PPP4R1: variants seen among roughly 807,000 people sequenced by gnomAD.
PPP4R1 encodes the protein protein phosphatase 4 regulatory subunit 1, also known as serine/threonine-protein phosphatase 4 regulatory subunit 1.
In PPP4R1, 42 loss-of-function variants were observed where a neutral mutation model predicts 111.2. The ratio of observed to expected loss-of-function variants is 0.38; its 90% CI spans 0.29 to 0.49. The LOEUF (loss-of-function observed/expected upper bound fraction) is 0.49. Ranked by LOEUF, PPP4R1 falls within the 20% of genes least tolerant of loss-of-function variation. The pLI is 0.97. For missense variants in PPP4R1, 1,012 were observed against 1,161.6 expected (o/e 0.87, Z 1.87); for synonymous variants, 409 against 405.5 (o/e 1.01, Z -0.10).
Position 9,603,922 on chromosome 18 carries a change from A to G in PPP4R1, c.53-8769T>C, listed in dbSNP as rs147597187. On this transcript the variant is annotated intron_variant, in intron 2 of 19. Transcript: ENST00000400556. ...TGAAAAGAGATAAAGAAAAAAATGC[A>G]AGAGTCTCAATTTAAAGAATTTATT... Among the ~76,000 whole-genome samples the G allele has an allele frequency of 1.8e-3, 274 of 152,346 alleles. 1 individual carries two copies. Among genetic ancestry groups the G allele is most frequent in the African/African-American group, 5.2e-3 (218 of 41,570 alleles).
chr18:9,595,360 A>G (rs1465173661), intron 2 of PPP4R1, among the ~76,000 whole-genome samples: 1 of 152,232 alleles, frequency 6.6e-6, no homozygotes, highest in Non-Finnish European at 1.5e-5. Flanking sequence ...CTATAAGCAC[A>G]AAGTTCTACT....
At chr18:9,573,207 G>A (rs2066887937) in intron 10 of PPP4R1, among the ~76,000 whole-genome samples, 1 of 152,046 alleles carries the variant, frequency 6.6e-6, no homozygotes, top group African/African-American at 2.4e-5. Flanking sequence ...TGGGCCAATT[G>A]GTAAAATTCA....
At chr18:9,597,803 TA>T (rs1345345613) in intron 2 of PPP4R1, among the ~76,000 whole-genome samples, 22 of 151,954 alleles carry the variant, frequency 1.4e-4, no homozygotes, top group Admixed American at 1.4e-3. Flanking sequence ...TAGCATCCAA[TA>T]AAAAATTACT....
intron 9 of PPP4R1, among the ~76,000 whole-genome samples, chr18:9,578,935 A>C (rs1018334491): frequency 1.3e-5 from 2 of 152,224 alleles, no homozygotes; most frequent in African/African-American, 4.8e-5. Flanking sequence ...GGACATAGAA[A>C]ACTTAATTTA....
At chr18:9,569,663 AT>A (rs572606174) in intron 11 of PPP4R1, among the ~76,000 whole-genome samples, 312 of 152,340 alleles carry the variant, frequency 2.0e-3, no homozygotes, top group Non-Finnish European at 3.6e-3. Flanking sequence ...GATTAATTGT[AT>A]TTATCAAGAG....
intron 11 of PPP4R1, among the ~76,000 whole-genome samples, chr18:9,566,137 C>T (rs529903127): frequency 1.3e-5 from 2 of 151,962 alleles, no homozygotes; most frequent in South Asian, 2.1e-4. Context: ...TCTCAAACTC[C>T]TGACCTCAGA....
At position 9,568,605 on chromosome 18, in the gene PPP4R1, G is replaced by C. The variant is rs912255914; in HGVS notation, c.1573+1552C>G. ...TTTGCTGAAAGAAAAACTTAGAGCAGTTCTTTCAATATTTCAATTAATATT... is the reference window on the plus strand; with the variant it reads ...TTTGCTGAAAGAAAAACTTAGAGCACTTCTTTCAATATTTCAATTAATATT... On this transcript the variant is annotated intron_variant, in intron 11 of 19. Coordinates refer to ENST00000400556, the MANE Select transcript of PPP4R1 (RefSeq NM_001042388.3). Among the ~76,000 whole-genome samples the C allele has an allele frequency of 3.9e-5, 6 of 152,326 alleles. No individual in the cohort carries two copies. In the South Asian group the frequency reaches 6.2e-4, roughly 16 times the overall value.
intron 2 of PPP4R1, among the ~76,000 whole-genome samples, chr18:9,597,230 A>G (rs1324753801): frequency 6.6e-6 from 1 of 152,204 alleles, no homozygotes; most frequent in East Asian, 1.9e-4. Flanking sequence ...TGAGAAAGAG[A>G]GGACAAATGA....
At chr18:9,572,661 T>A (rs979323963) in intron 10 of PPP4R1, among the ~76,000 whole-genome samples, 1 of 152,236 alleles carries the variant, frequency 6.6e-6, no homozygotes, top group African/African-American at 2.4e-5. Context: ...TTAATGCCTA[T>A]GTGAGCTCCC....
intron 2 of PPP4R1, among the ~76,000 whole-genome samples, chr18:9,605,438 CAG>C (rs2067461950): frequency 6.6e-6 from 1 of 151,710 alleles, no homozygotes; most frequent in African/African-American, 2.4e-5. Flanking sequence ...ATAGGAAAAA[CAG>C]AATCTTTACA....
At chr18:9,548,534 ATAGG>A (rs1413468582) in intron 19 of PPP4R1, among the ~76,000 whole-genome samples, 1 of 152,156 alleles carries the variant, frequency 6.6e-6, no homozygotes, top group African/African-American at 2.4e-5. Flanking sequence ...GAGAGCAAAC[ATAGG>A]TAGGTACCAG....
At chr18:9,602,868 A>G (rs897466301) in intron 2 of PPP4R1, among the ~76,000 whole-genome samples, 2 of 152,060 alleles carry the variant, frequency 1.3e-5, no homozygotes, top group African/African-American at 4.8e-5. Context: ...TCATAGCAAA[A>G]CCGTGTGAAA....
At chr18:9,562,182 T>C (rs1195048809) in intron 12 of PPP4R1, 107 bp from the exon 13 acceptor site, 2 of 754,596 alleles carry the variant, frequency 2.7e-6, no homozygotes, top group Non-Finnish European at 4.3e-6. Context: ...GTAATAAACA[T>C]ATAAATTCCT....
Position 9,583,148 on chromosome 18 carries a change from A to T in PPP4R1, c.887T>A (p.Phe296Tyr). ...EIRRTKLSAL[F>Y]INLISDPSRW... is the part of the protein sequence containing the mutation. ...TGAAGGATCACTGATCAAATTAATAAAAAGTGCTGATAATTTGGTCCGTCG... is the reference window on the plus strand; with the variant it reads ...TGAAGGATCACTGATCAAATTAATATAAAGTGCTGATAATTTGGTCCGTCG... The change falls in exon 9 of 20, where the codon TTT (phenylalanine) becomes TAT (tyrosine). Residue 296 changes from phenylalanine to tyrosine, a missense_variant. By Grantham distance (22) the Phe-to-Tyr change is conservative (BLOSUM62 3). Transcript: ENST00000400556. 1.2e-6 allele frequency: 2 copies of T among 1,611,580 alleles called. No individual in the cohort carries two copies. The highest frequency in any genetic ancestry group is 2.7e-5 in the African/African-American group (2 of 75,036).
At chr18:9,553,997 A>C (rs2066528804) in intron 15 of PPP4R1, among the ~76,000 whole-genome samples, 1 of 152,248 alleles carries the variant, frequency 6.6e-6, no homozygotes, top group Non-Finnish European at 1.5e-5. Context: ...TACATCTTCA[A>C]GGGACGTTCT....
intron 14 of PPP4R1, among the ~76,000 whole-genome samples, chr18:9,558,003 A>C (rs1346236678): frequency 6.6e-6 from 1 of 152,220 alleles, no homozygotes; most frequent in Non-Finnish European, 1.5e-5. Context: ...GAAATATAAG[A>C]CTAGGGAAAT....
Position 9,557,353 on chromosome 18 carries a change from G to C in PPP4R1, c.2058C>G (p.Ser686=). 1 of 1,603,832 alleles carries C rather than the reference G, an allele frequency of 6.2e-7. No individual in the cohort carries two copies. Among genetic ancestry groups the C allele is most frequent in the Non-Finnish European group, 8.5e-7 (1 of 1,177,434 alleles). ...QWKVRRTLAF[S]IHELAVILGD... ...CAAGAATAACTGCAAGCTCGTGGAT[G>C]GAGAATGCTAGAGTTCGTCGAACTT... is the stretch of plus-strand genomic sequence containing the variant. The change falls in exon 15 of 20, where the codon TCC becomes TCG. Residue 686 remains serine, a synonymous_variant. Transcript: ENST00000400556.
intron 11 of PPP4R1, among the ~76,000 whole-genome samples, chr18:9,568,801 C>T (rs1167338990): frequency 6.6e-6 from 1 of 152,042 alleles, no homozygotes; most frequent in Admixed American, 6.6e-5. Flanking sequence ...GGTGGGAGGC[C>T]AAGGCAGGCG....
At chr18:9,593,586 TA>T (rs1363034987) in intron 4 of PPP4R1, among the ~76,000 whole-genome samples, 181 bp downstream of exon 4, 1 of 152,226 alleles carries the variant, frequency 6.6e-6, no homozygotes, top group East Asian at 1.9e-4. Context: ...GAGCCCACTG[TA>T]AAATGTCCAG....
Sources: gnomAD v4.1 joint callset for allele counts (sites outside exome capture counted in the v4.1 genomes callset) on GRCh38, gnomAD v4.1.1 for gene constraint, MANE v1.5 for transcripts, NCBI Gene and HGNC (gene_info 2026-07-23, HGNC 2026-07-21) for gene names.